FREM2: variants seen among roughly 807,000 people sequenced by gnomAD.
FREM2 encodes FRAS1-related extracellular matrix protein 2.
FREM2 carries 119 observed loss-of-function variants against 219.9 expected under a neutral mutation model. The observed-to-expected ratio is 0.54, with a 90% CI of 0.47 to 0.63. The LOEUF is 0.63. Ranked by LOEUF, FREM2 falls within the 30% of genes least tolerant of loss-of-function variation. The pLI, the probability that FREM2 is intolerant of heterozygous loss-of-function variation, is 0.00. For synonymous variants in FREM2, 1,562 were observed against 1,522.8 expected (o/e 1.03, Z -0.60); for missense variants, 4,030 against 3,993.6 (o/e 1.01, Z -0.25).
At chr13:38,830,401 T>G (rs1876460967) in intron 6 of FREM2, among the ~76,000 whole-genome samples, 1 of 152,148 alleles carries the variant, frequency 6.6e-6, no homozygotes, top group Non-Finnish European at 1.5e-5. Context: ...TCTTCCCACC[T>G]CCACTGCCCT....
chr13:38,821,223 A>G lies in FREM2; in HGVS notation c.6020-25350A>G, dbSNP rs544859759. Among the ~76,000 whole-genome samples the G allele has an allele frequency of 7.2e-5, 11 of 152,144 alleles. No individual in the cohort carries two copies. The South Asian group carries it at 2.3e-3, about 32-fold the overall frequency. On this transcript the variant is annotated intron_variant, in intron 6 of 23. Transcript: ENST00000280481. ...TTCATCCTGTCTGACTGGACATCAGATCTTCTTTTCCCTGATTTATTCCTG... is the reference window on the plus strand; with the variant it reads ...TTCATCCTGTCTGACTGGACATCAGGTCTTCTTTTCCCTGATTTATTCCTG...
chr13:38,797,248 G>A (rs138440340), intron 6 of FREM2, among the ~76,000 whole-genome samples: 119 of 151,516 alleles, frequency 7.9e-4, no homozygotes, highest in African/African-American at 2.1e-3. Context: ...TCTTTTGTCC[G>A]CATCCTCACC....
intron 2 of FREM2, among the ~76,000 whole-genome samples, chr13:38,738,794 C>T (rs1872113026): frequency 6.6e-6 from 1 of 151,894 alleles, no homozygotes; most frequent in Non-Finnish European, 1.5e-5. Flanking sequence ...AAAGGGATTC[C>T]TTGAGAAAGA....
intron 6 of FREM2, among the ~76,000 whole-genome samples, chr13:38,811,349 T>G (rs1875468140): frequency 6.6e-6 from 1 of 152,080 alleles, no homozygotes; most frequent in Non-Finnish European, 1.5e-5. Flanking sequence ...TAATTTTGGT[T>G]TAGTTTACTC....
At chr13:38,831,089 T>C (rs1876489613) in intron 6 of FREM2, among the ~76,000 whole-genome samples, 2 of 152,150 alleles carry the variant, frequency 1.3e-5, no homozygotes, top group African/African-American at 4.8e-5. Flanking sequence ...AAACTGTAAA[T>C]TGCACCTCAC....
intron 21 of FREM2, 67 bp from the exon 22 acceptor site, chr13:38,878,067 G>A (rs1235577202): frequency 1.5e-6 from 2 of 1,309,556 alleles, no homozygotes; most frequent in South Asian, 1.2e-5. Context: ...GTCATAACCT[G>A]TTTACAGTGT....
chr13:38,773,039 G>T (rs1873732032), intron 4 of FREM2, among the ~76,000 whole-genome samples: 2 of 151,908 alleles, frequency 1.3e-5, no homozygotes, highest in Admixed American at 6.6e-5. Context: ...ACATGTATTG[G>T]CTTCTCACAT....
intron 2 of FREM2, among the ~76,000 whole-genome samples, chr13:38,754,889 G>GATT (rs1437549301): frequency 0.013 from 1,078 of 82,142 alleles, 9 homozygotes; most frequent in African/African-American, 0.016. Flanking sequence ...TGATGATGAT[G>GATT]ATGATGATGA....
In FREM2 at chr13:38,846,564, T is replaced by C; in HGVS notation, c.6020-9T>C. 1 of 1,612,752 alleles carries C rather than the reference T, an allele frequency of 6.2e-7. No individual in the cohort carries two copies. Reference sequence around the variant, plus strand: ...ATAACAGAAATGATTTCTGTTCCTTTCTTAACAGAACCCATCTTTTACTTC... The same window carrying C: ...ATAACAGAAATGATTTCTGTTCCTTCCTTAACAGAACCCATCTTTTACTTC... On this transcript the variant is annotated splice_polypyrimidine_tract_variant and intron_variant, in intron 6 of 23. Coordinates refer to ENST00000280481, the MANE Select transcript of FREM2 (RefSeq NM_207361.6).
At chr13:38,820,738 A>G (rs374064501) in intron 6 of FREM2, among the ~76,000 whole-genome samples, 4 of 152,256 alleles carry the variant, frequency 2.6e-5, no homozygotes, top group African/African-American at 9.6e-5. Context: ...TGAAAAGCCA[A>G]ACATGGCAAC....
Position 38,850,269 on chromosome 13 carries a change from T to C in FREM2, c.6577+34T>C, listed in dbSNP as rs544740757. On this transcript the variant is annotated intron_variant, in intron 9 of 23. Transcript: ENST00000280481. ...GAACTTGAAATTTTTTCGTGAAATT[T>C]GAAGAAGCCGAATTTTTACTCAGAA... is the stretch of plus-strand genomic sequence containing the variant. 161 of 1,569,804 alleles carry C rather than the reference T, an allele frequency of 1.0e-4. No individual in the cohort carries two copies. In the South Asian group the frequency reaches 1.6e-3, roughly 16 times the overall value.
chr13:38,751,475 T>TTGTG (rs1298402065), intron 2 of FREM2, among the ~76,000 whole-genome samples: 2 of 152,120 alleles, frequency 1.3e-5, no homozygotes, highest in African/African-American at 4.8e-5. Context: ...CATGCTGCAC[T>TTGTG]TGTCCTTCCC....
At chr13:38,732,246 T>C (rs1264936801) in intron 2 of FREM2, among the ~76,000 whole-genome samples, 1 of 152,220 alleles carries the variant, frequency 6.6e-6, no homozygotes, top group Non-Finnish European at 1.5e-5. Context: ...TCCTGGATTT[T>C]TAATGCTAGG....
chr13:38,709,674 T>A (rs141496900), intron 2 of FREM2, among the ~76,000 whole-genome samples: 230 of 152,252 alleles, frequency 1.5e-3, no homozygotes, highest in African/African-American at 4.7e-3. Flanking sequence ...ACGGATAATT[T>A]AAAAATCTTT....
Position 38,691,018 on chromosome 13 carries a change from T to C in FREM2, c.3674T>C (p.Leu1225Ser). The C allele has an allele frequency of 6.2e-7, 1 of 1,614,158 alleles. No homozygotes were observed. Among genetic ancestry groups the C allele is most frequent in the Non-Finnish European group, 8.5e-7 (1 of 1,180,014 alleles). ...GATGCTGATGTTCCCCTGGATGATTTAACTTTCACTATTACCCAATTCCCC... is the reference window on the plus strand; with the variant it reads ...GATGCTGATGTTCCCCTGGATGATTCAACTTTCACTATTACCCAATTCCCC... ...AADADVPLDD[L>S]TFTITQFPTH... The change falls in exon 1 of 24, where the codon TTA becomes TCA. Residue 1225 changes from leucine (L) to serine (S), a missense_variant. Coordinates refer to ENST00000280481, the MANE Select transcript of FREM2 (RefSeq NM_207361.6).
intron 6 of FREM2, among the ~76,000 whole-genome samples, chr13:38,823,185 A>G (rs1876136976): frequency 6.6e-6 from 1 of 151,662 alleles, no homozygotes; most frequent in African/African-American, 2.4e-5. Context: ...TCATATCTCT[A>G]AATATTATAT....
At chr13:38,753,123 C>G (rs899492188) in intron 2 of FREM2, among the ~76,000 whole-genome samples, 1 of 152,100 alleles carries the variant, frequency 6.6e-6, no homozygotes. Context: ...TCTTGACAAA[C>G]TTAACTCTTG....
intron 6 of FREM2, among the ~76,000 whole-genome samples, chr13:38,796,813 T>C (rs1168338221): frequency 6.6e-6 from 1 of 152,130 alleles, no homozygotes; most frequent in East Asian, 1.9e-4. Flanking sequence ...AGTATGGTGG[T>C]TCTATTTTTA....
chr13:38,729,027 G>A (rs1871654822), intron 2 of FREM2, among the ~76,000 whole-genome samples: 1 of 152,154 alleles, frequency 6.6e-6, no homozygotes, highest in African/African-American at 2.4e-5. Context: ...TAGAGACGGG[G>A]TTTCCCCATG....
Sources: allele counts gnomAD v4.1 joint callset (sites outside exome capture counted in the v4.1 genomes callset), GRCh38; gene constraint gnomAD v4.1.1; transcripts MANE v1.5; gene names NCBI Gene and HGNC (gene_info 2026-07-23, HGNC 2026-07-21).